TAF1B: variants seen among roughly 807,000 people sequenced by gnomAD.
The protein encoded by TAF1B is TATA box-binding protein-associated factor RNA polymerase I subunit B.
A neutral mutation model predicts 83.9 loss-of-function variants in TAF1B; 61 were observed. The observed-to-expected ratio is 0.73, with a 90% confidence interval of 0.59 to 0.90. The LOEUF (loss-of-function observed/expected upper bound fraction) is 0.90. TAF1B is among the 40% of genes least tolerant of loss of function. TAF1B has a pLI of 0.00. For synonymous variants in TAF1B, 221 were observed against 224.6 expected (o/e 0.98, Z 0.14); for missense variants, 625 against 677.0 (o/e 0.92, Z 0.85).
At chr2:9,919,133 T>C (rs371357920) in intron 13 of TAF1B, 22 bp downstream of exon 13, 1 of 1,583,918 alleles carries the variant, frequency 6.3e-7, no homozygotes, top group Non-Finnish European at 8.7e-7. Context: ...TTTGTCTTTT[T>C]AATACCAAGT....
chr2:9,868,675 C>G (rs1157033770), intron 6 of TAF1B: 1 of 628,636 alleles, frequency 1.6e-6, no homozygotes, highest in African/African-American at 1.8e-5. Flanking sequence ...ACATAAAGTT[C>G]AAGTGGATCC....
At position 9,906,197 on chromosome 2, in the gene TAF1B, T is replaced by C. The variant is rs1205991385; in HGVS notation, c.955+1191T>C. ...AATATAACTGATGCAGCCTGGTTAA[T>C]AGCAAGCAAGCATCTATGTCACGTG... On this transcript the variant is annotated intron_variant, in intron 9 of 14. Transcript: ENST00000263663. 7.9e-5 allele frequency among the ~76,000 whole-genome samples: 12 copies of C among 152,294 alleles called. No homozygotes were observed. In the East Asian group the frequency reaches 2.1e-3, roughly 27 times the overall value.
chr2:9,910,915 T>C lies in TAF1B; in HGVS notation c.1133+2T>C, dbSNP rs373519513. ...TCTATTGGATGACAGTTTCGAGTGG[T>C]AAGTGTACGTCAATTTTATGACAAG... is the stretch of plus-strand genomic sequence containing the variant. On this transcript the variant is annotated splice_donor_variant, in intron 10 of 14. Coordinates refer to ENST00000263663, the MANE Select transcript of TAF1B (RefSeq NM_005680.3). LOFTEE classifies it high-confidence loss of function. 6.2e-6 allele frequency: 10 copies of C among 1,604,966 alleles called. No individual in the cohort carries two copies. The highest frequency in any genetic ancestry group is 8.5e-6 in the Non-Finnish European group (10 of 1,175,808).
At chr2:9,861,728 G>C (rs539684637) in intron 5 of TAF1B, among the ~76,000 whole-genome samples, 1 of 152,214 alleles carries the variant, frequency 6.6e-6, no homozygotes, top group African/African-American at 2.4e-5. Context: ...CACACGGCCA[G>C]GTACTCCTCT....
chr2:9,917,656 A>C (rs960015004), intron 12 of TAF1B, among the ~76,000 whole-genome samples: 26 of 152,226 alleles, frequency 1.7e-4, no homozygotes, highest in African/African-American at 6.0e-4. Context: ...TTCTTCAACA[A>C]ATGTTTAAAT....
chr2:9,880,238 G>C (rs1464459381), intron 7 of TAF1B, among the ~76,000 whole-genome samples: 1 of 151,964 alleles, frequency 6.6e-6, no homozygotes, highest in Non-Finnish European at 1.5e-5. Flanking sequence ...TGAAACTTTG[G>C]AAAATTACAT....
intron 7 of TAF1B, among the ~76,000 whole-genome samples, chr2:9,881,823 A>G (rs994355562): frequency 6.6e-6 from 1 of 152,200 alleles, no homozygotes; most frequent in Non-Finnish European, 1.5e-5. Flanking sequence ...TATTTGATCC[A>G]CTGTGTACCA....
rs929600402 is a variant in TAF1B, at chr2:9,862,144, C to T, written c.400-6132C>T. On this transcript the variant is annotated intron_variant, in intron 5 of 14. Coordinates refer to ENST00000263663, the MANE Select transcript of TAF1B (RefSeq NM_005680.3). ...AAGGCTTCAGAAGATCAAACTACTC[C>T]GAGCTAAAGGAGGAAGTTCAAACCA... Among the ~76,000 whole-genome samples the T allele has an allele frequency of 2.6e-5, 4 of 151,902 alleles. No homozygotes were observed. In the East Asian group the frequency reaches 5.8e-4, roughly 22 times the overall value.
chr2:9,916,837 CTTTTTTT>C (rs371475463), intron 12 of TAF1B, among the ~76,000 whole-genome samples: 4 of 95,720 alleles, frequency 4.2e-5, no homozygotes, highest in Admixed American at 1.3e-4. Flanking sequence ...CCTTTCTGTT[CTTTTTTT>C]TTTTTTTTTT....
Position 9,868,271 on chromosome 2 carries a change from A to G in TAF1B, c.400-5A>G, listed in dbSNP as rs767409955. 13 of 1,613,612 alleles carry G rather than the reference A, an allele frequency of 8.1e-6. No homozygotes were observed. Among genetic ancestry groups the G allele is most frequent in the Non-Finnish European group, 1.1e-5 (13 of 1,179,868 alleles). On this transcript the variant is annotated splice_polypyrimidine_tract_variant and splice_region_variant and intron_variant, in intron 5 of 14. Transcript: ENST00000263663. ...ATAATTTTATTTATATTGTTTTGCA[A>G]ACAGGTATTAGAAGATAATCTAAGT...
chr2:9,899,733 A>G (rs1489718170), intron 8 of TAF1B, among the ~76,000 whole-genome samples: 5 of 152,234 alleles, frequency 3.3e-5, no homozygotes, highest in African/African-American at 1.2e-4. Flanking sequence ...TGAGAAGTAC[A>G]AAGAAGGAGA....
chr2:9,879,600 G>T (rs1026635645), intron 7 of TAF1B, among the ~76,000 whole-genome samples: 1 of 152,178 alleles, frequency 6.6e-6, no homozygotes, highest in Non-Finnish European at 1.5e-5. Flanking sequence ...GTAGAAGGAG[G>T]TTGCTAGTGC....
At chr2:9,904,363 AT>A (rs1665279528) in intron 8 of TAF1B, among the ~76,000 whole-genome samples, 1 of 152,054 alleles carries the variant, frequency 6.6e-6, no homozygotes, top group Non-Finnish European at 1.5e-5. Flanking sequence ...CAGTATTTGG[AT>A]TTTTGTTACT....
intron 1 of TAF1B, chr2:9,843,806 G>T: frequency 2.2e-6 from 1 of 451,468 alleles, no homozygotes; most frequent in South Asian, 3.1e-5. Context: ...GGTGTTTGTC[G>T]TTATGGGTGT....
intron 5 of TAF1B, among the ~76,000 whole-genome samples, chr2:9,862,639 T>C (rs1266520726): frequency 6.6e-6 from 1 of 152,048 alleles, no homozygotes; most frequent in Non-Finnish European, 1.5e-5. Flanking sequence ...AGACACATAA[T>C]TGTCAGATTC....
rs375082859 is a variant in TAF1B, at chr2:9,849,434, G to A, written c.179G>A (p.Arg60Gln). The change falls in exon 3 of 15, where the codon CGG becomes CAG. Residue 60 changes from arginine to glutamine, a missense_variant. Transcript: ENST00000263663. ...AATACCCAAATAAAAGCCCTCAACC[G>A]GGGGCTTAAAAAAAAAAACAATACT... ...IPNTQIKALN[R>Q]GLKKKNNTEK... The A allele has an allele frequency of 1.9e-6, 3 of 1,577,094 alleles. No individual in the cohort carries two copies. Among genetic ancestry groups the A allele is most frequent in the Non-Finnish European group, 1.7e-6 (2 of 1,164,442 alleles).
At chr2:9,864,049 A>G (rs1377427964) in intron 5 of TAF1B, among the ~76,000 whole-genome samples, 1 of 152,166 alleles carries the variant, frequency 6.6e-6, no homozygotes, top group Admixed American at 6.5e-5. Context: ...TAGAGAAACA[A>G]GAGCAAACAC....
rs76184382 is a variant in TAF1B, at chr2:9,907,583, G to A, written c.955+2577G>A. 4.6e-3 allele frequency among the ~76,000 whole-genome samples: 700 copies of A among 152,176 alleles called. 3 individuals carry two copies. The highest frequency in any genetic ancestry group is 0.016 in the African/African-American group (662 of 41,534). On this transcript the variant is annotated intron_variant, in intron 9 of 14. Transcript: ENST00000263663. ...TCACACACACCCTGCCTGAGTAAGC[G>A]CTGCCCCTTTGATGGCCATGAATGA... is the stretch of plus-strand genomic sequence containing the variant.
At chr2:9,867,882 G>A (rs989067862) in intron 5 of TAF1B, among the ~76,000 whole-genome samples, 1 of 152,206 alleles carries the variant, frequency 6.6e-6, no homozygotes, top group South Asian at 2.1e-4. Flanking sequence ...CGTAGTTCAG[G>A]CAGGAGAACC....
Sources: gnomAD v4.1 joint callset for allele counts (sites outside exome capture counted in the v4.1 genomes callset) on GRCh38, gnomAD v4.1.1 for gene constraint, MANE v1.5 for transcripts, NCBI Gene and HGNC (gene_info 2026-07-23, HGNC 2026-07-21) for gene names.